The following COL23A1 variants were observed in gnomAD, a reference collection of about 807,000 sequenced individuals.
The protein encoded by COL23A1 is collagen type XXIII alpha 1 chain.
A neutral mutation model predicts 99.3 loss-of-function variants in COL23A1; 97 were observed. The observed-to-expected ratio is 0.98, with a 90% CI of 0.83 to 1.16. COL23A1 has a LOEUF of 1.16. COL23A1 is among the 50% of genes most tolerant of loss of function. COL23A1 has a pLI of 0.00. For missense variants in COL23A1, 762 were observed against 757.4 expected (o/e 1.01, Z -0.07); for synonymous variants, 320 against 308.2 (o/e 1.04, Z -0.40).
At chr5:178,461,656 G>C (rs939647722) in intron 2 of COL23A1, among the ~76,000 whole-genome samples, 7 of 152,122 alleles carry the variant, frequency 4.6e-5, no homozygotes, top group Admixed American at 3.3e-4. Flanking sequence ...TCACGGCCTT[G>C]GGCAATTTGC....
chr5:178,336,512 A>T (rs562123003), intron 2 of COL23A1, among the ~76,000 whole-genome samples: 4 of 152,366 alleles, frequency 2.6e-5, no homozygotes, highest in Admixed American at 2.6e-4. Flanking sequence ...GTGTGATTCC[A>T]TTTATATGAA....
At chr5:178,267,883 C>G (rs1291227646) in intron 7 of COL23A1, among the ~76,000 whole-genome samples, 1 of 152,238 alleles carries the variant, frequency 6.6e-6, no homozygotes, top group Non-Finnish European at 1.5e-5. Context: ...CATGCAATCT[C>G]TCCTGTGGCT....
rs1283684318 is a variant in COL23A1 at position 178,306,078 on chromosome 5, G to A, written c.406+797C>T. Among the ~76,000 whole-genome samples, 1 of 152,104 alleles carries A rather than the reference G, an allele frequency of 6.6e-6. No individual in the cohort carries two copies. Among genetic ancestry groups the A allele is most frequent in the East Asian group, 1.9e-4 (1 of 5,174 alleles). On this transcript the variant is annotated intron_variant, in intron 3 of 28. Transcript: ENST00000390654. This position sits in a 1 kb window ranked among gnomAD's most constrained non-coding sequence, Gnocchi z 4.1. ...TGGGAGACTGTGGGAGAGAGGAGAGGAGACGACCAAGGGAGATTCATTCAC... is the reference window on the plus strand; with the variant it reads ...TGGGAGACTGTGGGAGAGAGGAGAGAAGACGACCAAGGGAGATTCATTCAC...
intron 2 of COL23A1, among the ~76,000 whole-genome samples, chr5:178,324,836 C>T (rs1023615718): frequency 1.3e-5 from 2 of 152,194 alleles, no homozygotes; most frequent in African/African-American, 4.8e-5. Flanking sequence ...TGAGCAGCAT[C>T]GCCACCTACC....
At chr5:178,476,589 G>A (rs928015414) in intron 2 of COL23A1, among the ~76,000 whole-genome samples, 4 of 152,220 alleles carry the variant, frequency 2.6e-5, no homozygotes, top group African/African-American at 9.6e-5. Context: ...TGTGCGCTGG[G>A]GGCAGGAATC....
intron 2 of COL23A1, among the ~76,000 whole-genome samples, chr5:178,556,405 C>G (rs71611441): frequency 6.6e-6 from 1 of 151,870 alleles, no homozygotes; most frequent in East Asian, 1.9e-4. Context: ...GGTGTATCAC[C>G]TGAGGTCAGG....
At position 178,306,878 on chromosome 5, in the gene COL23A1, G is replaced by A. The variant is rs1157769837; in HGVS notation, c.403C>T (p.Pro135Ser). 23 of 1,539,112 alleles carry A rather than the reference G, an allele frequency of 1.5e-5. No individual in the cohort carries two copies. The highest frequency in any genetic ancestry group is 4.2e-5 in the African/African-American group (3 of 71,004). ...RRGKPGRRGD[P>S]GPPGQSGRDG... The stretch of plus-strand genomic sequence containing the variant: ...GCTGAGAAAACCTGGGACTCACCAG[G>A]GTCGCCTCTTCTCCCAGGCTTGCCG... The change falls in exon 3 of 29, where the codon CCT becomes TCT. Residue 135 changes from proline to serine, a missense_variant. Transcript: ENST00000390654. This position sits in a 1 kb window ranked among gnomAD's most constrained non-coding sequence, Gnocchi z 4.1.
intron 2 of COL23A1, among the ~76,000 whole-genome samples, chr5:178,337,677 G>A (rs372393669): frequency 1.1e-4 from 16 of 152,156 alleles, no homozygotes; most frequent in Non-Finnish European, 1.3e-4. Flanking sequence ...TGCTCTCCCC[G>A]CCATCCAGGA....
Position 178,254,966 on chromosome 5 carries a change from T to C in COL23A1, c.943A>G (p.Ile315Val), listed in dbSNP as rs762411418. Residue 315 changes from isoleucine (I) to valine (V), a missense_variant, in exon 16 of 29, where the codon ATC becomes GTC. Transcript: ENST00000390654. ...DTVVIDYDGR[I>V]LDALKGPPGP... is the part of the protein sequence containing the mutation. Reference sequence around the variant, plus strand: ...AACACTACCTTGAGGGCATCCAAGATCCTGCCATCATAGTCGATCACCACT... The same window carrying C: ...AACACTACCTTGAGGGCATCCAAGACCCTGCCATCATAGTCGATCACCACT... 1.4e-5 allele frequency: 23 copies of C among 1,611,768 alleles called. No individual in the cohort carries two copies. In the East Asian group the frequency reaches 5.1e-4, roughly 36 times the overall value.
At chr5:178,483,797 C>T (rs574882) in intron 2 of COL23A1, among the ~76,000 whole-genome samples, 1,675 of 152,352 alleles carry the variant, frequency 0.011, 30 homozygotes, top group African/African-American at 0.036. Context: ...GCCCGTGCAG[C>T]GGGGTTCCTC....
intron 2 of COL23A1, among the ~76,000 whole-genome samples, chr5:178,347,151 T>C (rs978339757): frequency 1.3e-5 from 2 of 152,168 alleles, no homozygotes; most frequent in Non-Finnish European, 2.9e-5. Context: ...CCCGAGACCT[T>C]TCTGCAAGGA....
chr5:178,239,012 C>G, intron 28 of COL23A1, 129 bp downstream of exon 28: 1 of 1,064,402 alleles, frequency 9.4e-7, no homozygotes, highest in African/African-American at 1.6e-5. Context: ...CCTGGCTATT[C>G]AGTCACTGTG....
At chr5:178,324,011 C>T (rs895340422) in intron 2 of COL23A1, among the ~76,000 whole-genome samples, 6 of 152,234 alleles carry the variant, frequency 3.9e-5, no homozygotes, top group South Asian at 2.1e-4. Flanking sequence ...AGAAATGTGA[C>T]GGCCTGGGGT....
At position 178,387,177 on chromosome 5, in the gene COL23A1, A is replaced by G. The variant is rs1012605007; in HGVS notation, c.362-80258T>C. On this transcript the variant is annotated intron_variant, in intron 2 of 28. Coordinates refer to ENST00000390654, the MANE Select transcript of COL23A1 (RefSeq NM_173465.4). The surrounding 1 kb of genome is among the most constrained non-coding windows in gnomAD (Gnocchi z 4.7). ...TCATTTTACCCATCCTGGTGCTGACAGCTCACAGCAACCCTGCCCGAGTCT... is the reference window on the plus strand; with the variant it reads ...TCATTTTACCCATCCTGGTGCTGACGGCTCACAGCAACCCTGCCCGAGTCT... Among the ~76,000 whole-genome samples, 1 of 152,048 alleles carries G rather than the reference A, an allele frequency of 6.6e-6. No homozygotes were observed. The highest frequency in any genetic ancestry group is 6.6e-5 in the Admixed American group (1 of 15,262).
intron 2 of COL23A1, among the ~76,000 whole-genome samples, chr5:178,321,480 C>CATTTTTTTTTTTTTTT (rs761651933): frequency 9.2e-6 from 1 of 109,040 alleles, no homozygotes; most frequent in African/African-American, 4.0e-5. Context: ...GTCACCTTCC[C>CATTTTTTTTTTTTTTT]TTTTTTTTTT....
chr5:178,412,637 A>G (rs925906159), intron 2 of COL23A1, among the ~76,000 whole-genome samples: 1 of 152,238 alleles, frequency 6.6e-6, no homozygotes, highest in African/African-American at 2.4e-5. Context: ...TTGGTGAAGC[A>G]TAATATACAT....
At position 178,468,376 on chromosome 5, in the gene COL23A1, CA is replaced by C. The variant is rs1756541588; in HGVS notation, c.361+92305del. Among the ~76,000 whole-genome samples the C allele has an allele frequency of 6.6e-6, 1 of 152,162 alleles. No homozygotes were observed. The highest frequency in any genetic ancestry group is 2.4e-5 in the African/African-American group (1 of 41,432). ...AGGGGATGGAAGCCAGCACGTGGGT[CA>C]AAGGGCGATGGACTGGGCTAGGGGT... On this transcript the variant is annotated intron_variant, in intron 2 of 28. Transcript: ENST00000390654. This position sits in a 1 kb window ranked among gnomAD's most constrained non-coding sequence, Gnocchi z 4.2.
At chr5:178,471,509 G>A (rs1756749855) in intron 2 of COL23A1, among the ~76,000 whole-genome samples, 2 of 137,232 alleles carry the variant, frequency 1.5e-5, no homozygotes, top group Non-Finnish European at 3.1e-5. Flanking sequence ...AAAGTGCTCG[G>A]ATTACGGGTG....
chr5:178,539,993 G>T (rs1408472665), intron 2 of COL23A1, among the ~76,000 whole-genome samples: 1 of 152,066 alleles, frequency 6.6e-6, no homozygotes, highest in Non-Finnish European at 1.5e-5. Flanking sequence ...TGTTTTGACA[G>T]AAAAAAGGGG....
Sources: allele counts gnomAD v4.1 joint callset (sites outside exome capture counted in the v4.1 genomes callset), GRCh38; gene constraint gnomAD v4.1.1; non-coding constraint Gnocchi (gnomAD v3.1); transcripts MANE v1.5; gene names NCBI Gene and HGNC (gene_info 2026-07-23, HGNC 2026-07-21).